Variants in ESCO1 observed in about 807,000 individuals in gnomAD.
ESCO1 encodes N-acetyltransferase ESCO1.
A neutral mutation model predicts 83.5 loss-of-function variants in ESCO1; 33 were observed. That is an observed-to-expected ratio of 0.40 (90% CI 0.30 to 0.53). ESCO1 has a LOEUF of 0.53. Ranked by LOEUF, ESCO1 falls within the 20% of genes least tolerant of loss-of-function variation. The pLI, the probability that ESCO1 is intolerant of heterozygous loss-of-function variation, is 0.63. For synonymous variants in ESCO1, 332 were observed against 324.3 expected (o/e 1.02, Z -0.25); for missense variants, 855 against 968.0 (o/e 0.88, Z 1.55).
intron 8 of ESCO1, among the ~76,000 whole-genome samples, chr18:21,551,112 CAAAAAAAAA>C (rs57346736): frequency 1.3e-5 from 1 of 75,280 alleles, no homozygotes; most frequent in Admixed American, 1.6e-4. Context: ...AACTCTGTCT[CAAAAAAAAA>C]AAAAAAAAGA....
chr18:21,562,544 GGT>G (rs1412119760), intron 7 of ESCO1, among the ~76,000 whole-genome samples: 1 of 151,922 alleles, frequency 6.6e-6, no homozygotes, highest in Non-Finnish European at 1.5e-5. Flanking sequence ...AGCAGGCTGA[GGT>G]GAGAGGATCA....
intron 8 of ESCO1, among the ~76,000 whole-genome samples, chr18:21,544,441 T>C (rs1424186268): frequency 2.7e-5 from 4 of 147,016 alleles, no homozygotes; most frequent in Non-Finnish European, 6.0e-5. Context: ...ACCTCGTTTC[T>C]ACTAAAAATA....
At chr18:21,573,258 C>T in intron 4 of ESCO1, 56 bp downstream of exon 4, 1 of 1,436,118 alleles carries the variant, frequency 7.0e-7, no homozygotes, top group South Asian at 1.4e-5. Flanking sequence ...GTTATAAAGA[C>T]ATTTCTTACA....
chr18:21,575,001 G>A lies in ESCO1; in HGVS notation c.-158C>T. 1.8e-6 allele frequency: 1 copy of A among 545,486 alleles called. No individual in the cohort carries two copies. Among genetic ancestry groups the A allele is most frequent in the Non-Finnish European group, 3.1e-6 (1 of 323,704 alleles). The allele number at this position is 545,486 out of a possible 1,614,324, so 33.8% of individuals were successfully genotyped here. A position where few individuals can be genotyped will look rare whatever the true frequency, so the allele number is the denominator to read the frequency against. ...ACATTTTCAACAAAAATACTAGTTT[G>A]CTTCAAGTAAGGTTTCTGTCATTCC... is the stretch of plus-strand genomic sequence containing the variant. On this transcript the variant is annotated 5_prime_UTR_variant, in exon 4 of 12. Transcript: ENST00000269214.
intron 1 of ESCO1, among the ~76,000 whole-genome samples, chr18:21,590,207 A>G (rs1454127554): frequency 2.9e-5 from 4 of 140,108 alleles, no homozygotes; most frequent in Non-Finnish European, 6.2e-5. Flanking sequence ...TCTTAAACTC[A>G]CCCACATGAA....
At chr18:21,561,996 A>C (rs541336105) in intron 7 of ESCO1, among the ~76,000 whole-genome samples, 6 of 151,930 alleles carry the variant, frequency 3.9e-5, no homozygotes, top group Non-Finnish European at 8.8e-5. Context: ...CTCCTGCCTC[A>C]GCCTCCTGAG....
chr18:21,585,431 T>C (rs192513170), intron 1 of ESCO1, among the ~76,000 whole-genome samples: 1 of 152,240 alleles, frequency 6.6e-6, no homozygotes, highest in East Asian at 1.9e-4. Flanking sequence ...TGTTAAAAAA[T>C]AGTATTCTTT....
intron 1 of ESCO1, among the ~76,000 whole-genome samples, chr18:21,587,253 G>T (rs1431596045): frequency 6.6e-6 from 1 of 152,074 alleles, no homozygotes; most frequent in East Asian, 1.9e-4. Flanking sequence ...TGTCTTTTTA[G>T]TACTAAGGCA....
intron 8 of ESCO1, among the ~76,000 whole-genome samples, chr18:21,548,283 A>G (rs527901942): frequency 3.9e-5 from 6 of 152,068 alleles, no homozygotes; most frequent in Non-Finnish European, 1.5e-5. Context: ...GCTTGAGCCC[A>G]GGAGTTTGAG....
intron 8 of ESCO1, among the ~76,000 whole-genome samples, chr18:21,545,066 C>T (rs2146179810): frequency 6.6e-6 from 1 of 152,132 alleles, no homozygotes; most frequent in East Asian, 1.9e-4. Flanking sequence ...TGTGAAAATA[C>T]ACCATTATTA....
intron 8 of ESCO1, among the ~76,000 whole-genome samples, chr18:21,541,651 A>C (rs1598979475): frequency 6.6e-6 from 1 of 151,834 alleles, no homozygotes; most frequent in East Asian, 1.9e-4. Flanking sequence ...ATCTGAATAT[A>C]GGTAAACAAT....
At chr18:21,565,178 A>T (rs185899743) in intron 6 of ESCO1, among the ~76,000 whole-genome samples, 23 of 152,026 alleles carry the variant, frequency 1.5e-4, no homozygotes, top group East Asian at 5.8e-4. Flanking sequence ...AATTTTCAGT[A>T]AAAAAAAGGC....
At position 21,600,638 on chromosome 18, in the gene ESCO1, C is replaced by G. The variant is rs1342088433; in HGVS notation, c.-840G>C. On this transcript the variant is annotated 5_prime_UTR_variant, in exon 1 of 12. Coordinates refer to ENST00000269214, the MANE Select transcript of ESCO1 (RefSeq NM_052911.3). Reference sequence around the variant, plus strand: ...GCTCGCGTACCTTCCTTTTGCCTGGCGGAGGGTCAGACTAGCGCCAGCGGA... The same window carrying G: ...GCTCGCGTACCTTCCTTTTGCCTGGGGGAGGGTCAGACTAGCGCCAGCGGA... 6.6e-6 allele frequency: 1 copy of G among 152,244 alleles called. No homozygotes were observed. The highest frequency in any genetic ancestry group is 2.4e-5 in the African/African-American group (1 of 41,462). 9.4% of individuals were successfully genotyped at this position (152,244 alleles called of 1,614,324 possible).
At chr18:21,596,678 A>T (rs977984390) in intron 1 of ESCO1, among the ~76,000 whole-genome samples, 19 of 152,012 alleles carry the variant, frequency 1.2e-4, no homozygotes, top group Non-Finnish European at 2.4e-4. Context: ...ACAAAAATAT[A>T]AAAAAAACTA....
chr18:21,535,006 T>C (rs2037816123), intron 10 of ESCO1, among the ~76,000 whole-genome samples: 1 of 152,136 alleles, frequency 6.6e-6, no homozygotes. Context: ...TATTCAACTC[T>C]GCCTTTGTAG....
At chr18:21,581,933 A>C (rs1407012456) in intron 2 of ESCO1, among the ~76,000 whole-genome samples, 5 of 151,276 alleles carry the variant, frequency 3.3e-5, no homozygotes, top group Non-Finnish European at 5.9e-5. Flanking sequence ...AAAAAAAAGA[A>C]AAAAAAAATC....
intron 8 of ESCO1, among the ~76,000 whole-genome samples, chr18:21,554,830 C>A (rs2038091961): frequency 6.6e-6 from 1 of 152,072 alleles, no homozygotes; most frequent in Admixed American, 6.6e-5. Context: ...ATCGCTTGAA[C>A]CCGAGAGGCG....
chr18:21,577,139 G>A (rs949140367), intron 2 of ESCO1, among the ~76,000 whole-genome samples: 1 of 151,818 alleles, frequency 6.6e-6, no homozygotes, highest in African/African-American at 2.4e-5. Flanking sequence ...CGAATCACTT[G>A]TGGCCAGGAG....
chr18:21,588,734 T>G (rs1211850116), intron 1 of ESCO1, among the ~76,000 whole-genome samples: 1 of 151,646 alleles, frequency 6.6e-6, no homozygotes, highest in Non-Finnish European at 1.5e-5. Context: ...CTGGACAACA[T>G]GGCAAAACCC....
Sources: gnomAD v4.1 joint callset for allele counts (sites outside exome capture counted in the v4.1 genomes callset) on GRCh38, gnomAD v4.1.1 for gene constraint, MANE v1.5 for transcripts, NCBI Gene and HGNC (gene_info 2026-07-23, HGNC 2026-07-21) for gene names.